The following WDR17 variants were observed in gnomAD, a reference collection of about 807,000 sequenced individuals.
WDR17 encodes the protein WD repeat domain 17, also known as WD repeat-containing protein 17.
Under a neutral mutation model 161.7 loss-of-function variants are expected in WDR17, and 143 were observed. The ratio of observed to expected loss-of-function variants is 0.88; its 90% CI spans 0.77 to 1.02. WDR17 has a LOEUF of 1.02. Among genes scored for constraint, WDR17 ranks in the 50% least tolerant of loss-of-function variants. WDR17 has a pLI of 0.00. For missense variants in WDR17, 1,469 were observed against 1,520.9 expected (o/e 0.97, Z 0.57); for synonymous variants, 517 against 515.6 (o/e 1.00, Z -0.04).
chr4:176,146,253 A>G, intron 12 of WDR17, 94 bp downstream of exon 12: 1 of 1,294,730 alleles, frequency 7.7e-7, no homozygotes, highest in Non-Finnish European at 1.0e-6. Context: ...ATATAGATAT[A>G]TACAGAGTCT....
At chr4:176,144,235 A>G (rs577842555) in intron 11 of WDR17, among the ~76,000 whole-genome samples, 14 of 152,216 alleles carry the variant, frequency 9.2e-5, no homozygotes, top group Admixed American at 4.6e-4. Flanking sequence ...TGACCCCCAT[A>G]TGAAGTAAGT....
intron 1 of WDR17, chr4:176,096,421 T>C: frequency 1.0e-5 from 9 of 863,168 alleles, no homozygotes; most frequent in Non-Finnish European, 1.6e-5. Context: ...AGGGAGATTT[T>C]GGTAAATCTT....
In WDR17 at chr4:176,168,674, A is replaced by G; in HGVS notation, c.2993A>G (p.Asn998Ser). ...ARKCMMISVWNLAADLLLMIP... is the reference protein window; with the variant it reads ...ARKCMMISVWSLAADLLLMIP... Reference sequence around the variant, plus strand: ...GTCCCCTTTTGTTACGTTAACAGGAATTTGGCAGCTGATCTTCTTCTGATG... The same window carrying G: ...GTCCCCTTTTGTTACGTTAACAGGAGTTTGGCAGCTGATCTTCTTCTGATG... Residue 998 changes from asparagine (N) to serine (S), a missense_variant and splice_region_variant, in exon 23 of 29, where the codon AAT becomes AGT. Coordinates refer to ENST00000508596, the MANE Select transcript of WDR17 (RefSeq NM_181265.4). The G allele has an allele frequency of 6.2e-7, 1 of 1,613,516 alleles. No homozygotes were observed.
chr4:176,078,345 T>C (rs1379936617), intron 1 of WDR17, among the ~76,000 whole-genome samples: 1 of 152,144 alleles, frequency 6.6e-6, no homozygotes, highest in Non-Finnish European at 1.5e-5. Context: ...CTGCTCTAGT[T>C]CAGGGACTGG....
At chr4:176,076,214 A>AATATATATATAT (rs1219401869) in intron 1 of WDR17, among the ~76,000 whole-genome samples, 32 of 62,244 alleles carry the variant, frequency 5.1e-4, no homozygotes, top group East Asian at 1.2e-3. Context: ...TTACATATAT[A>AATATATATATAT]ATATATATAT....
rs952156513 is a variant in WDR17, at chr4:176,138,908, G to A, written c.1360-984G>A. 2.0e-5 allele frequency among the ~76,000 whole-genome samples: 3 copies of A among 151,786 alleles called. 1 individual carries two copies. Among genetic ancestry groups the A allele is most frequent in the South Asian group, 4.1e-4 (2 of 4,824 alleles). On this transcript the variant is annotated intron_variant, in intron 9 of 28. Transcript: ENST00000508596. ...TGCCAGCATTAATTAACTAAGCTAC[G>A]TGTGTTCCACAAAAAGAATTATGGG... is the stretch of plus-strand genomic sequence containing the variant.
Position 176,149,171 on chromosome 4 carries a change from T to C in WDR17, c.1898-636T>C, listed in dbSNP as rs559530069. On this transcript the variant is annotated intron_variant, in intron 13 of 28. Coordinates refer to ENST00000508596, the MANE Select transcript of WDR17 (RefSeq NM_181265.4). ...ATTGGTTTTATAGTATACTTGTTGC[T>C]GCTTAACCACACGAAATATACTTTT... is the stretch of plus-strand genomic sequence containing the variant. Among the ~76,000 whole-genome samples the C allele has an allele frequency of 6.2e-3, 939 of 151,656 alleles. 7 individuals carry two copies. Among genetic ancestry groups the C allele is most frequent in the Non-Finnish European group, 0.01 (704 of 68,028 alleles).
Position 176,139,317 on chromosome 4 carries a change from A to G in WDR17, c.1360-575A>G, listed in dbSNP as rs546836506. On this transcript the variant is annotated intron_variant, in intron 9 of 28. Coordinates refer to ENST00000508596, the MANE Select transcript of WDR17 (RefSeq NM_181265.4). Reference sequence around the variant, plus strand: ...ATTCCTTCTAGTTTTAAAAATTCTTATAATTCCATCTATTAACTATATCCC... The same window carrying G: ...ATTCCTTCTAGTTTTAAAAATTCTTGTAATTCCATCTATTAACTATATCCC... 2.0e-4 allele frequency among the ~76,000 whole-genome samples: 30 copies of G among 152,100 alleles called. No homozygotes were observed. The South Asian group carries it at 5.4e-3, about 27-fold the overall frequency.
intron 1 of WDR17, among the ~76,000 whole-genome samples, chr4:176,083,735 G>A (rs1396776708): frequency 6.6e-6 from 1 of 152,110 alleles, no homozygotes; most frequent in Non-Finnish European, 1.5e-5. Context: ...TATTTGTTCG[G>A]CGTTAGAGGA....
chr4:176,140,058 AT>A, intron 10 of WDR17, 84 bp downstream of exon 10: 4 of 1,192,256 alleles, frequency 3.4e-6, no homozygotes. Flanking sequence ...TATCCATGAG[AT>A]TTCATTTGTA....
At chr4:176,097,616 G>T (rs1737087929) in intron 1 of WDR17, among the ~76,000 whole-genome samples, 1 of 151,654 alleles carries the variant, frequency 6.6e-6, no homozygotes, top group African/African-American at 2.4e-5. Flanking sequence ...CAGAAAAGGA[G>T]TTGAGAGTTA....
intron 4 of WDR17, 120 bp from the exon 5 acceptor site, chr4:176,124,984 C>A: frequency 8.7e-7 from 1 of 1,155,908 alleles, no homozygotes; most frequent in Non-Finnish European, 1.2e-6. Context: ...ATATAAGCAC[C>A]ACATTTGTAT....
chr4:176,096,577 C>T lies in WDR17; in HGVS notation c.-6-14998C>T, dbSNP rs766895833. On this transcript the variant is annotated intron_variant, in intron 1 of 28. Transcript: ENST00000508596. ...TGAGCAAGATGATTGGTATGAAGGA[C>T]TACAAAGAGTAAGATACATTTACTT... 2.1e-5 allele frequency: 33 copies of T among 1,594,794 alleles called. No homozygotes were observed. In the East Asian group the frequency reaches 2.1e-4, roughly 10 times the overall value.
At chr4:176,139,375 TC>T (rs138328119) in intron 9 of WDR17, among the ~76,000 whole-genome samples, 1,737 of 151,944 alleles carry the variant, frequency 0.011, 18 homozygotes, top group Non-Finnish European at 0.018. Context: ...AAGCAGAAAA[TC>T]AAGCAAATAT....
intron 1 of WDR17, among the ~76,000 whole-genome samples, chr4:176,099,654 A>G (rs915320381): frequency 2.6e-5 from 4 of 152,174 alleles, no homozygotes; most frequent in African/African-American, 9.7e-5. Context: ...TAGATTGCAC[A>G]GTGATCAAAT....
chr4:176,078,286 C>A (rs1327002776), intron 1 of WDR17, among the ~76,000 whole-genome samples: 1 of 151,958 alleles, frequency 6.6e-6, no homozygotes, highest in African/African-American at 2.4e-5. Context: ...TTTCCCATCA[C>A]TGAACCATTA....
chr4:176,092,762 C>G (rs941823661), intron 1 of WDR17, among the ~76,000 whole-genome samples: 3 of 152,136 alleles, frequency 2.0e-5, no homozygotes, highest in Non-Finnish European at 2.9e-5. Context: ...GAAATCAAGG[C>G]TTGATGCGGT....
At position 176,181,499 on chromosome 4, in the gene WDR17, T is replaced by C; in HGVS notation, c.*1920T>C. The C allele has an allele frequency of 4.4e-6, 1 of 225,348 alleles. No individual in the cohort carries two copies. Among genetic ancestry groups the C allele is most frequent in the Non-Finnish European group, 8.7e-6 (1 of 114,424 alleles). 14.0% of individuals were successfully genotyped at this position (225,348 alleles called of 1,614,324 possible). ...TTATATATATAAAAATAATTAATAT[T>C]ATAGAAGAGAATATACACAACTCAG... On this transcript the variant is annotated 3_prime_UTR_variant, in exon 29 of 29. Transcript: ENST00000508596.
At chr4:176,069,226 C>T (rs924702456) in intron 1 of WDR17, among the ~76,000 whole-genome samples, 2 of 151,802 alleles carry the variant, frequency 1.3e-5, no homozygotes, top group African/African-American at 4.8e-5. Context: ...CCAGATGTCA[C>T]ATTATCAGCT....
Sources: gnomAD v4.1 joint callset for allele counts (sites outside exome capture counted in the v4.1 genomes callset) on GRCh38, gnomAD v4.1.1 for gene constraint, MANE v1.5 for transcripts, NCBI Gene and HGNC (gene_info 2026-07-23, HGNC 2026-07-21) for gene names.